Variants in UBXN2B observed in about 807,000 individuals in gnomAD.
The protein encoded by UBXN2B is UBX domain-containing protein 2B.
UBXN2B carries 19 observed loss-of-function variants against 37.5 expected under a neutral mutation model. The ratio of observed to expected loss-of-function variants is 0.51; its 90% CI spans 0.35 to 0.74. The LOEUF is 0.74. Among genes scored for constraint, UBXN2B ranks in the 30% least tolerant of loss-of-function variants. The pLI is 0.01. For missense variants in UBXN2B, 370 were observed against 393.2 expected (o/e 0.94, Z 0.50); for synonymous variants, 145 against 143.8 (o/e 1.01, Z -0.06).
Position 58,430,561 on chromosome 8 carries a change from T to A in UBXN2B, c.231T>A (p.Val77=). The A allele has an allele frequency of 2.5e-6, 4 of 1,605,470 alleles. No individual in the cohort carries two copies. Among genetic ancestry groups the A allele is most frequent in the Non-Finnish European group, 3.4e-6 (4 of 1,175,298 alleles). The part of the protein sequence containing the change: ...SEHEYSGLNI[V]RPSTGKIVNE... ...ATGAATACAGTGGATTAAATATAGT[T>A]CGACCTTCAACTGGGAAAATTGTGA... The change falls in exon 3 of 8, where the codon GTT becomes GTA. Residue 77 remains valine, a synonymous_variant. Coordinates refer to ENST00000399598, the MANE Select transcript of UBXN2B (RefSeq NM_001077619.2).
At chr8:58,431,687 G>C (rs1808280531) in intron 3 of UBXN2B, among the ~76,000 whole-genome samples, 1 of 152,188 alleles carries the variant, frequency 6.6e-6, no homozygotes, top group African/African-American at 2.4e-5. Flanking sequence ...CCACATATAT[G>C]AGAGAGCAAG....
chr8:58,416,718 C>G lies in UBXN2B; in HGVS notation c.85-132C>G, dbSNP rs182022676. 4.6e-4 allele frequency: 286 copies of G among 620,030 alleles called. No individual in the cohort carries two copies. In the African/African-American group the frequency reaches 5.1e-3, roughly 11 times the overall value. The allele number at this position is 620,030 out of a possible 1,614,324, so 38.4% of individuals were successfully genotyped here. A position where few individuals can be genotyped will look rare whatever the true frequency, so the allele number is the denominator to read the frequency against. On this transcript the variant is annotated intron_variant, in intron 1 of 7. Coordinates refer to ENST00000399598, the MANE Select transcript of UBXN2B (RefSeq NM_001077619.2). ...TAAGTTTATTTCAGAAAGGAATCAT[C>G]TGAAGCAGCAGCTTTTTTCATGAAA... is the stretch of plus-strand genomic sequence containing the variant.
intron 2 of UBXN2B, among the ~76,000 whole-genome samples, chr8:58,421,335 C>T (rs915650514): frequency 2.0e-5 from 3 of 151,454 alleles, no homozygotes; most frequent in Non-Finnish European, 4.4e-5. Flanking sequence ...ACATGAAGCA[C>T]CTTTTAGTTT....
intron 6 of UBXN2B, 94 bp from the exon 7 acceptor site, chr8:58,445,813 A>AT: frequency 9.2e-7 from 1 of 1,088,678 alleles, no homozygotes; most frequent in South Asian, 2.1e-5. Context: ...AGTATAGGAG[A>AT]CTCAAATGAA....
intron 1 of UBXN2B, among the ~76,000 whole-genome samples, chr8:58,415,322 A>G (rs890247495): frequency 2.0e-5 from 3 of 152,076 alleles, no homozygotes; most frequent in African/African-American, 7.2e-5. Context: ...TGACATAATG[A>G]GCTTAGAAGG....
rs1266401770 is a variant in UBXN2B, at chr8:58,448,846, G to T, written c.*1295G>T. The stretch of plus-strand genomic sequence containing the variant: ...CCACCATAACAAGTTACAAAATGTG[G>T]CTTAAAATAGCACAAATTTATTATC... On this transcript the variant is annotated 3_prime_UTR_variant, in exon 8 of 8. Coordinates refer to ENST00000399598, the MANE Select transcript of UBXN2B (RefSeq NM_001077619.2). 6.6e-6 allele frequency: 1 copy of T among 152,366 alleles called. No homozygotes were observed. Among genetic ancestry groups the T allele is most frequent in the African/African-American group, 2.4e-5 (1 of 41,450 alleles). 9.4% of individuals were successfully genotyped at this position (152,366 alleles called of 1,614,324 possible).
chr8:58,433,342 T>C, intron 4 of UBXN2B, 99 bp downstream of exon 4: 7 of 1,029,524 alleles, frequency 6.8e-6, no homozygotes, highest in Non-Finnish European at 8.4e-6. Context: ...AATATATTTT[T>C]GTTACTTTTT....
chr8:58,425,693 T>G (rs1240971275), intron 2 of UBXN2B: 3 of 1,162,994 alleles, frequency 2.6e-6, no homozygotes, highest in African/African-American at 3.0e-5. Flanking sequence ...TTCTGCTATT[T>G]CAGCAACATT....
At chr8:58,411,846 G>C (rs1276327970) in intron 1 of UBXN2B, among the ~76,000 whole-genome samples, 1 of 152,194 alleles carries the variant, frequency 6.6e-6, no homozygotes, top group Non-Finnish European at 1.5e-5. Flanking sequence ...GAACAGTAAT[G>C]ATACGTGATT....
In UBXN2B at chr8:58,426,229, C is replaced by T. The variant is rs1314166793; in HGVS notation, c.189-4290C>T. ...TTTTTTTTTTTTTTTTTTTTTGAGA[C>T]AGAGTCTCGCTCTGTCACCCAGGCT... On this transcript the variant is annotated intron_variant, in intron 2 of 7. Coordinates refer to ENST00000399598, the MANE Select transcript of UBXN2B (RefSeq NM_001077619.2). 7 of 516,476 alleles carry T rather than the reference C, an allele frequency of 1.4e-5. No homozygotes were observed. The Admixed American group carries it at 1.9e-4, about 14-fold the overall frequency. The allele number at this position is 516,476 out of a possible 1,614,324, so 32.0% of individuals were successfully genotyped here. A position where few individuals can be genotyped will look rare whatever the true frequency, so the allele number is the denominator to read the frequency against.
intron 1 of UBXN2B, among the ~76,000 whole-genome samples, chr8:58,414,986 T>C (rs901856323): frequency 1.3e-5 from 2 of 152,150 alleles, no homozygotes. Flanking sequence ...AAAATACATC[T>C]ATCTATATCT....
rs1444954715 is a variant in UBXN2B at position 58,449,152 on chromosome 8, T to C, written c.*1601T>C. The C allele has an allele frequency of 6.6e-6, 1 of 152,224 alleles. No homozygotes were observed. The highest frequency in any genetic ancestry group is 2.4e-5 in the African/African-American group (1 of 41,460). 9.4% of individuals were successfully genotyped at this position (152,224 alleles called of 1,614,324 possible). A position where few individuals can be genotyped will look rare whatever the true frequency, so the allele number is the denominator to read the frequency against. Reference sequence around the variant, plus strand: ...ATGATTAAATGAGGCCCACCGGATATCCAATCTAGGCTTATCTCCTTGTCT... The same window carrying C: ...ATGATTAAATGAGGCCCACCGGATACCCAATCTAGGCTTATCTCCTTGTCT... On this transcript the variant is annotated 3_prime_UTR_variant, in exon 8 of 8. Transcript: ENST00000399598.
At chr8:58,447,307 G>T in intron 7 of UBXN2B, 82 bp from the exon 8 acceptor site, 1 of 1,324,794 alleles carries the variant, frequency 7.5e-7, no homozygotes, top group South Asian at 1.8e-5. Context: ...AAAATTTTGT[G>T]ATTTTTATTA....
intron 2 of UBXN2B, among the ~76,000 whole-genome samples, chr8:58,421,879 C>CAACA (rs1261232659): frequency 6.6e-6 from 1 of 152,176 alleles, no homozygotes. Flanking sequence ...TAAATGAAAT[C>CAACA]AATATAACAA....
intron 5 of UBXN2B, 82 bp from the exon 6 acceptor site, chr8:58,439,551 A>G: frequency 6.8e-7 from 1 of 1,477,422 alleles, no homozygotes; most frequent in South Asian, 1.5e-5. Flanking sequence ...AGTGTAGCTC[A>G]TGAAATAATT....
intron 2 of UBXN2B, among the ~76,000 whole-genome samples, chr8:58,428,272 A>G (rs1326368223): frequency 6.6e-6 from 1 of 152,226 alleles, no homozygotes; most frequent in Non-Finnish European, 1.5e-5. Context: ...GAAACCGCTC[A>G]ACTCTTCTGA....
At chr8:58,441,348 C>CGTGTGTAT (rs1242681481) in intron 6 of UBXN2B, among the ~76,000 whole-genome samples, 4 of 104,656 alleles carry the variant, frequency 3.8e-5, no homozygotes, top group African/African-American at 1.6e-4. Flanking sequence ...TTGTGATCAA[C>CGTGTGTAT]ATATATATAT....
intron 2 of UBXN2B, among the ~76,000 whole-genome samples, chr8:58,418,532 C>T (rs1807844030): frequency 6.6e-6 from 1 of 152,070 alleles, no homozygotes; most frequent in Non-Finnish European, 1.5e-5. Context: ...ATCACTGTTT[C>T]CTCATGATTA....
At chr8:58,442,092 C>T (rs1407771635) in intron 6 of UBXN2B, among the ~76,000 whole-genome samples, 4 of 152,184 alleles carry the variant, frequency 2.6e-5, no homozygotes, top group African/African-American at 9.7e-5. Flanking sequence ...TTAGTAACCA[C>T]AAGAGCTACA....
Sources: gnomAD v4.1 joint callset for allele counts (sites outside exome capture counted in the v4.1 genomes callset) on GRCh38, gnomAD v4.1.1 for gene constraint, MANE v1.5 for transcripts, NCBI Gene and HGNC (gene_info 2026-07-23, HGNC 2026-07-21) for gene names.